ABCA13: variants seen among roughly 807,000 people sequenced by gnomAD.
The protein encoded by ABCA13 is ATP binding cassette subfamily A member 13, also known as ATP-binding cassette sub-family A member 13.
A neutral mutation model predicts 478.7 loss-of-function variants in ABCA13; 476 were observed. The observed-to-expected ratio is 0.99, with a 90% CI of 0.92 to 1.07. The LOEUF is 1.07. Ranked by LOEUF, ABCA13 falls within the 50% of genes least tolerant of loss-of-function variation. The pLI is 0.00. For missense variants in ABCA13, 6,060 were observed against 5,910.6 expected (o/e 1.03, Z -0.83); for synonymous variants, 2,252 against 2,158.9 (o/e 1.04, Z -1.20).
At chr7:48,527,971 C>A (rs1465779188) in intron 54 of ABCA13, among the ~76,000 whole-genome samples, 1 of 152,160 alleles carries the variant, frequency 6.6e-6, no homozygotes, top group Admixed American at 6.6e-5. Context: ...GTTTTCCACA[C>A]ATGAATTTAT....
intron 15 of ABCA13, 23 bp from the exon 16 acceptor site, chr7:48,268,957 G>A: frequency 1.7e-6 from 2 of 1,207,086 alleles, no homozygotes; most frequent in South Asian, 2.6e-5. Context: ...TATAATTAAT[G>A]TAGAAAATGT....
At chr7:48,628,574 T>C (rs1272603664) in intron 59 of ABCA13, among the ~76,000 whole-genome samples, 3 of 152,232 alleles carry the variant, frequency 2.0e-5, no homozygotes. Flanking sequence ...TATTTGGGGC[T>C]TTCTGTCACT....
chr7:48,508,954 G>T (rs1831446292), intron 50 of ABCA13, among the ~76,000 whole-genome samples: 1 of 152,064 alleles, frequency 6.6e-6, no homozygotes, highest in African/African-American at 2.4e-5. Context: ...CAATTTATCG[G>T]GGTCACACCT....
chr7:48,571,223 C>T (rs137882308), intron 55 of ABCA13, among the ~76,000 whole-genome samples: 26 of 152,232 alleles, frequency 1.7e-4, no homozygotes, highest in Non-Finnish European at 2.4e-4. Flanking sequence ...ACAAGAAACA[C>T]GTACATTTAT....
chr7:48,645,498 C>T lies in ABCA13; in HGVS notation c.15163C>T (p.His5055Tyr). The change falls in exon 62 of 62, where the codon CAC becomes TAC. Residue 5055 changes from histidine to tyrosine, a missense_variant. His to Tyr is a moderately conservative substitution (Grantham distance 83). Coordinates refer to ENST00000435803, the MANE Select transcript of ABCA13 (RefSeq NM_152701.5). ...ATCCACTGACAGTCACCACACACAT[C>T]ACTTGCCCATCTGAGCACTAAAGAA... Reference protein sequence around the residue: ...DPSTDSHHTHHLPI With the variant: ...DPSTDSHHTHYLPI 6.3e-7 allele frequency: 1 copy of T among 1,585,618 alleles called. No individual in the cohort carries two copies. Among genetic ancestry groups the T allele is most frequent in the African/African-American group, 1.3e-5 (1 of 74,564 alleles).
intron 61 of ABCA13, 86 bp downstream of exon 61, chr7:48,644,840 C>A: frequency 1.6e-6 from 2 of 1,266,036 alleles, no homozygotes; most frequent in South Asian, 1.9e-5. Context: ...AATCGAATTG[C>A]TTCAATTCAC....
At chr7:48,487,347 C>T (rs962707415) in intron 47 of ABCA13, among the ~76,000 whole-genome samples, 3 of 143,942 alleles carry the variant, frequency 2.1e-5, no homozygotes, top group Admixed American at 6.8e-5. Flanking sequence ...AAAAAACAAA[C>T]AAACACAAAC....
At chr7:48,579,913 T>C (rs978813397) in intron 55 of ABCA13, among the ~76,000 whole-genome samples, 6 of 152,162 alleles carry the variant, frequency 3.9e-5, no homozygotes, top group Non-Finnish European at 8.8e-5. Flanking sequence ...CCTTTGTAAA[T>C]GTGAATTTCC....
At chr7:48,201,166 G>A (rs1798645977) in intron 3 of ABCA13, among the ~76,000 whole-genome samples, 1 of 152,232 alleles carries the variant, frequency 6.6e-6, no homozygotes, top group African/African-American at 2.4e-5. Context: ...GAACTCCTGA[G>A]TCATTCAATA....
chr7:48,181,828 A>C (rs1421775132), intron 1 of ABCA13, among the ~76,000 whole-genome samples: 8 of 152,170 alleles, frequency 5.3e-5, no homozygotes, highest in Non-Finnish European at 1.2e-4. Flanking sequence ...TTTGTTTTTA[A>C]AAACACATTT....
intron 41 of ABCA13, among the ~76,000 whole-genome samples, chr7:48,413,095 G>A (rs1007462250): frequency 2.0e-5 from 3 of 152,092 alleles, no homozygotes; most frequent in Non-Finnish European, 4.4e-5. Context: ...ACAGGTGTGA[G>A]CCCATGCACC....
At chr7:48,645,231 G>C (rs1028428734) in intron 61 of ABCA13, among the ~76,000 whole-genome samples, 186 bp from the exon 62 acceptor site, 1 of 152,122 alleles carries the variant, frequency 6.6e-6, no homozygotes, top group Non-Finnish European at 1.5e-5. Context: ...AAATATGAAT[G>C]TTCTTAGAGT....
chr7:48,306,073 C>T (rs999403708), intron 23 of ABCA13, among the ~76,000 whole-genome samples: 1 of 152,178 alleles, frequency 6.6e-6, no homozygotes, highest in Non-Finnish European at 1.5e-5. Flanking sequence ...CAAACAGGAA[C>T]AACGAACGAA....
intron 45 of ABCA13, 29 bp from the exon 46 acceptor site, chr7:48,481,007 T>A: frequency 6.9e-7 from 1 of 1,455,288 alleles, no homozygotes; most frequent in Non-Finnish European, 9.4e-7. Flanking sequence ...TAAAAAAGTT[T>A]GTTTTTATCT....
Position 48,281,341 on chromosome 7 carries a change from A to G in ABCA13, c.8727-2A>G. On this transcript the variant is annotated splice_acceptor_variant, in intron 18 of 61. Coordinates refer to ENST00000435803, the MANE Select transcript of ABCA13 (RefSeq NM_152701.5). LOFTEE classifies it high-confidence loss of function. ...TGTCATTGTATATATTTTTTTGCTA[A>G]GTGTTGTTGAGATTTGTGAAGTTTT... The G allele has an allele frequency of 3.1e-6, 5 of 1,594,362 alleles. No individual in the cohort carries two copies. Among genetic ancestry groups the G allele is most frequent in the Non-Finnish European group, 4.3e-6 (5 of 1,170,138 alleles).
intron 58 of ABCA13, 46 bp from the exon 59 acceptor site, chr7:48,615,239 C>G: frequency 8.0e-7 from 1 of 1,247,788 alleles, no homozygotes; most frequent in Non-Finnish European, 1.1e-6. Context: ...TCAACCCTCC[C>G]CTCTTCAGGA....
chr7:48,367,692 A>G (rs897064846), intron 31 of ABCA13, 102 bp from the exon 32 acceptor site: 14 of 848,478 alleles, frequency 1.7e-5, no homozygotes, highest in Non-Finnish European at 2.7e-5. Flanking sequence ...ACCAAAGGAG[A>G]TATCACTCCT....
chr7:48,510,945 T>G, intron 50 of ABCA13, 139 bp from the exon 51 acceptor site: 1 of 687,704 alleles, frequency 1.5e-6, no homozygotes, highest in Non-Finnish European at 2.5e-6. Flanking sequence ...CCAGGACTAA[T>G]TCCACGGCTA....
At chr7:48,516,987 T>C in intron 52 of ABCA13, 106 bp downstream of exon 52, 1 of 1,240,228 alleles carries the variant, frequency 8.1e-7, no homozygotes, top group Non-Finnish European at 1.1e-6. Context: ...TCAATGGAAA[T>C]GCATTGGTAT....
Sources: gnomAD v4.1 joint callset for allele counts (sites outside exome capture counted in the v4.1 genomes callset) on GRCh38, gnomAD v4.1.1 for gene constraint, MANE v1.5 for transcripts, NCBI Gene and HGNC (gene_info 2026-07-23, HGNC 2026-07-21) for gene names.